Variants in FAT1 observed in about 807,000 individuals in gnomAD.
FAT1 encodes the protein protocadherin Fat 1.
Under a neutral mutation model 329.8 loss-of-function variants are expected in FAT1, and 171 were observed. The observed-to-expected ratio is 0.52, with a 90% CI of 0.46 to 0.59. FAT1 has a LOEUF of 0.59. Ranked by LOEUF, FAT1 falls within the 20% of genes least tolerant of loss-of-function variation. The probability of loss-of-function intolerance (pLI) is 0.00; values close to 1 mark genes in which losing one functional copy is unlikely to be tolerated. For synonymous variants in FAT1, 2,233 were observed against 2,228.6 expected (o/e 1.00, Z -0.06); for missense variants, 5,672 against 5,774.4 (o/e 0.98, Z 0.57).
chr4:186,623,238 G>A (rs900578573), intron 9 of FAT1, among the ~76,000 whole-genome samples: 4 of 152,178 alleles, frequency 2.6e-5, no homozygotes, highest in Non-Finnish European at 4.4e-5. Context: ...GGGTCCTGCT[G>A]CCTCTGCCAG....
At chr4:186,658,410 T>C (rs1742016507) in intron 3 of FAT1, among the ~76,000 whole-genome samples, 1 of 152,152 alleles carries the variant, frequency 6.6e-6, no homozygotes, top group African/African-American at 2.4e-5. Flanking sequence ...CCTAGAAAGC[T>C]TTCTTGTTGT....
In FAT1 at chr4:186,588,422, T is replaced by C; in HGVS notation, c.*170A>G. On this transcript the variant is annotated 3_prime_UTR_variant, in exon 27 of 27. Transcript: ENST00000441802. The stretch of plus-strand genomic sequence containing the variant: ...GCCGATGAAAACCTCACGATGACAG[T>C]AGTTGGGACACTGGAAATGGCTAGC... 1.4e-6 allele frequency: 1 copy of C among 699,574 alleles called. No individual in the cohort carries two copies. Among genetic ancestry groups the C allele is most frequent in the South Asian group, 2.1e-5 (1 of 47,228 alleles). The allele number at this position is 699,574 out of a possible 1,614,324, so 43.3% of individuals were successfully genotyped here.
chr4:186,610,887 T>A (rs1353215511), intron 14 of FAT1, among the ~76,000 whole-genome samples: 1 of 151,646 alleles, frequency 6.6e-6, no homozygotes, highest in African/African-American at 2.4e-5. Flanking sequence ...TTGTTGGCGG[T>A]CTTTCCCTAA....
chr4:186,718,492 C>A (rs1233636260), intron 1 of FAT1, among the ~76,000 whole-genome samples: 1 of 152,040 alleles, frequency 6.6e-6, no homozygotes, highest in Non-Finnish European at 1.5e-5. Context: ...CATGGTGAAA[C>A]CCCGTCTCTA....
intron 3 of FAT1, among the ~76,000 whole-genome samples, chr4:186,647,510 T>C (rs1741436080): frequency 6.6e-6 from 1 of 152,204 alleles, no homozygotes; most frequent in African/African-American, 2.4e-5. Context: ...ATAATGATTA[T>C]ACAACAAAAT....
intron 2 of FAT1, among the ~76,000 whole-genome samples, chr4:186,691,181 T>G (rs375039643): frequency 6.6e-6 from 1 of 152,266 alleles, no homozygotes; most frequent in South Asian, 2.1e-4. Flanking sequence ...ACAGTAAACT[T>G]TGGAATATTT....
Position 186,606,062 on chromosome 4 carries a change from A to T in FAT1, c.10350+8T>A, listed in dbSNP as rs768189529. On this transcript the variant is annotated splice_region_variant and intron_variant, in intron 17 of 26. Transcript: ENST00000441802. ...AACCCCAGGACCACCTTGGCACTCG[A>T]AGCCCACCTGGATAATGACACTGTA... is the stretch of plus-strand genomic sequence containing the variant. 3.1e-6 allele frequency: 5 copies of T among 1,612,326 alleles called. No homozygotes were observed. The highest frequency in any genetic ancestry group is 4.2e-6 in the Non-Finnish European group (5 of 1,179,504).
chr4:186,722,691 T>C (rs1408473019), intron 1 of FAT1, among the ~76,000 whole-genome samples: 1 of 152,200 alleles, frequency 6.6e-6, no homozygotes, highest in African/African-American at 2.4e-5. Flanking sequence ...ACAGATACCT[T>C]CTTAAACTAT....
rs1325625086 is a variant in FAT1, at chr4:186,706,706, C to T, written c.3122G>A (p.Gly1041Glu). Reference sequence around the variant, plus strand: ...AACAGGTGCATCTTCTTTCACTGTCCCCTTTTCCACAAAGCTGGAAAACAC... The same window carrying T: ...AACAGGTGCATCTTCTTTCACTGTCTCCTTTTCCACAAAGCTGGAAAACAC... ...PPVFSSFVEKGTVKEDAPVGS... is the reference protein window; with the variant it reads ...PPVFSSFVEKETVKEDAPVGS... The change falls in exon 2 of 27, where the codon GGG (glycine) becomes GAG (glutamate). Residue 1041 changes from glycine to glutamate, a missense_variant. Gly to Glu is a moderately conservative substitution (Grantham distance 98). Around this residue, in one of 2 missense-constraint regions of FAT1, gnomAD observed 3,966 missense variants for 3,915.2 expected, o/e 1.01. Coordinates refer to ENST00000441802, the MANE Select transcript of FAT1 (RefSeq NM_005245.4). The T allele has an allele frequency of 3.7e-6, 6 of 1,613,838 alleles. No homozygotes were observed. In the African/African-American group the frequency reaches 6.7e-5, roughly 18 times the overall value.
intron 2 of FAT1, among the ~76,000 whole-genome samples, chr4:186,677,780 T>A (rs1017274468): frequency 6.6e-6 from 1 of 152,092 alleles, no homozygotes; most frequent in Non-Finnish European, 1.5e-5. Context: ...TGAAAGAGAA[T>A]TAAAACAGGA....
At position 186,588,131 on chromosome 4, in the gene FAT1, A is replaced by G. The variant is rs1738042376; in HGVS notation, c.*461T>C. ...ACAGAATGAAACCCTGGTTATAGTA[A>G]AAAAAAAAAAATCAGGGTGCTAGAT... On this transcript the variant is annotated 3_prime_UTR_variant, in exon 27 of 27. Coordinates refer to ENST00000441802, the MANE Select transcript of FAT1 (RefSeq NM_005245.4). The G allele has an allele frequency of 2.0e-5, 1 of 50,766 alleles. No homozygotes were observed. Among genetic ancestry groups the G allele is most frequent in the Non-Finnish European group, 3.4e-5 (1 of 29,400 alleles). 3.1% of individuals were successfully genotyped at this position (50,766 alleles called of 1,614,324 possible). A position where few individuals can be genotyped will look rare whatever the true frequency, so the allele number is the denominator to read the frequency against.
intron 2 of FAT1, among the ~76,000 whole-genome samples, chr4:186,674,019 A>G (rs538379020): frequency 3.9e-5 from 6 of 152,360 alleles, no homozygotes; most frequent in Admixed American, 1.3e-4. Flanking sequence ...TACAGAGAAT[A>G]TATTTTACCT....
intron 10 of FAT1, 28 bp downstream of exon 10, chr4:186,617,680 T>C: frequency 6.6e-7 from 1 of 1,504,644 alleles, no homozygotes; most frequent in Non-Finnish European, 8.9e-7. Context: ...TTAAATTAAT[T>C]AAACCGTTTG....
rs760560632 is a variant in FAT1, at chr4:186,599,942, T to G, written c.12059A>C (p.Asn4020Thr). Reference protein sequence around the residue: ...FLTATEDCASNPCQNGGVCNP... With the variant: ...FLTATEDCASTPCQNGGVCNP... ...GCAAACGCCTCCATTCTGGCAAGGG[T>G]TGCTGGCGCAGTCTTCCGTGGCCGT... Residue 4020 changes from asparagine to threonine, a missense_variant, in exon 22 of 27, where the codon AAC becomes ACC. Asn to Thr is a moderately conservative substitution (Grantham distance 65, BLOSUM62 0). This residue lies in a region of FAT1 where 1,706 missense variants were observed against 1,859.1 expected (regional missense o/e 0.92). Transcript: ENST00000441802. 1 of 1,613,832 alleles carries G rather than the reference T, an allele frequency of 6.2e-7. No individual in the cohort carries two copies. Among genetic ancestry groups the G allele is most frequent in the South Asian group, 1.1e-5 (1 of 91,070 alleles).
chr4:186,667,877 A>G (rs1488580437), intron 2 of FAT1, among the ~76,000 whole-genome samples: 1 of 152,098 alleles, frequency 6.6e-6, no homozygotes, highest in Non-Finnish European at 1.5e-5. Flanking sequence ...GGACAGTCTG[A>G]CTCCAGGCCT....
rs147217392 is a variant in FAT1 at position 186,667,716 on chromosome 4, T to C, written c.3266-4103A>G. Among the ~76,000 whole-genome samples the C allele has an allele frequency of 4.0e-4, 61 of 152,316 alleles. No homozygotes were observed. The East Asian group carries it at 7.7e-3, about 19-fold the overall frequency. On this transcript the variant is annotated intron_variant, in intron 2 of 26. Coordinates refer to ENST00000441802, the MANE Select transcript of FAT1 (RefSeq NM_005245.4). ...AGATGCTTTATGTGCATTAAATCATTGAAAGAACATGGAAGTTGCATGATT... is the reference window on the plus strand; with the variant it reads ...AGATGCTTTATGTGCATTAAATCATCGAAAGAACATGGAAGTTGCATGATT...
Position 186,687,656 on chromosome 4 carries a change from A to G in FAT1, c.3265+18907T>C, listed in dbSNP as rs545536675. 3.3e-4 allele frequency among the ~76,000 whole-genome samples: 50 copies of G among 152,312 alleles called. 1 individual carries two copies. In the South Asian group the frequency reaches 9.9e-3, roughly 30 times the overall value. On this transcript the variant is annotated intron_variant, in intron 2 of 26. Coordinates refer to ENST00000441802, the MANE Select transcript of FAT1 (RefSeq NM_005245.4). ...CTGGATGTGGGATGTCAACTGGTAT[A>G]ATGCGTATATCTCAAAATCCAAATA...
intron 10 of FAT1, 93 bp from the exon 11 acceptor site, chr4:186,617,294 G>A: frequency 1.1e-6 from 1 of 893,934 alleles, no homozygotes; most frequent in Admixed American, 3.3e-5. Context: ...GATGTATAAT[G>A]TTATAGTTTA....
At position 186,597,102 on chromosome 4, in the gene FAT1, G is replaced by C. The variant is rs760747643; in HGVS notation, c.12438C>G (p.His4146Gln). Reference protein sequence around the residue: ...CLHGALCENTHGSYHCNCSHE... With the variant: ...CLHGALCENTQGSYHCNCSHE... ...GGCTGCAGTTGCAGTGATAGGAGCC[G>C]TGCGTGTTCTCACAGAGGGCCCCGT... Residue 4146 changes from histidine (H) to glutamine (Q), a missense_variant, in exon 25 of 27, where the codon CAC becomes CAG. Around this residue, in one of 2 missense-constraint regions of FAT1, gnomAD observed 1,706 missense variants for 1,859.1 expected, o/e 0.92. Coordinates refer to ENST00000441802, the MANE Select transcript of FAT1 (RefSeq NM_005245.4). The C allele has an allele frequency of 1.9e-6, 3 of 1,613,980 alleles. No homozygotes were observed. Among genetic ancestry groups the C allele is most frequent in the Non-Finnish European group, 2.5e-6 (3 of 1,179,894 alleles).
Sources: gnomAD v4.1 joint callset for allele counts (sites outside exome capture counted in the v4.1 genomes callset) on GRCh38, gnomAD v4.1.1 for gene constraint, gnomAD v4.1.1 regional missense constraint, MANE v1.5 for transcripts, NCBI Gene and HGNC (gene_info 2026-07-23, HGNC 2026-07-21) for gene names.